PDGFRL: variants seen among roughly 807,000 people sequenced by gnomAD.
The protein encoded by PDGFRL is platelet derived growth factor receptor like, also known as platelet-derived growth factor receptor-like protein.
PDGFRL carries 46 observed loss-of-function variants against 37.2 expected under a neutral mutation model. That is an observed-to-expected ratio of 1.24 (90% confidence interval 0.98 to 1.58). The LOEUF (loss-of-function observed/expected upper bound fraction) is 1.58, where lower values mean the gene tolerates loss of function less well. Among genes scored for constraint, PDGFRL ranks in the 40% most tolerant of loss-of-function variants. PDGFRL has a pLI of 0.00. For missense variants in PDGFRL, 692 were observed against 467.6 expected (o/e 1.48, Z -4.43); for synonymous variants, 251 against 184.3 (o/e 1.36, Z -2.93).
At chr8:17,625,154 G>GT (rs1234651563) in intron 3 of PDGFRL, among the ~76,000 whole-genome samples, 13 of 94,116 alleles carry the variant, frequency 1.4e-4, no homozygotes, top group Admixed American at 7.0e-4. Flanking sequence ...GCATTTTTTT[G>GT]TTTTTTTGTC....
chr8:17,625,972 G>A (rs1445098721), intron 3 of PDGFRL, among the ~76,000 whole-genome samples: 1 of 152,206 alleles, frequency 6.6e-6, no homozygotes, highest in South Asian at 2.1e-4. Flanking sequence ...TCCAGCCTGG[G>A]CAACAGCGTG....
intron 4 of PDGFRL, among the ~76,000 whole-genome samples, chr8:17,629,641 T>A (rs990547186): frequency 6.6e-6 from 1 of 152,160 alleles, no homozygotes; most frequent in Non-Finnish European, 1.5e-5. Flanking sequence ...TTCATGGCCC[T>A]GCTTGTCACT....
chr8:17,581,176 G>A (rs934504261), intron 1 of PDGFRL, among the ~76,000 whole-genome samples: 1 of 152,154 alleles, frequency 6.6e-6, no homozygotes, highest in African/African-American at 2.4e-5. Context: ...GAGGCGGGGT[G>A]TGAGGATGCC....
chr8:17,582,507 G>A (rs1036177003), intron 1 of PDGFRL, among the ~76,000 whole-genome samples: 1 of 150,844 alleles, frequency 6.6e-6, no homozygotes, highest in Non-Finnish European at 1.5e-5. Context: ...GCTTGAACTC[G>A]GGAAGAGGAG....
intron 3 of PDGFRL, 46 bp from the exon 4 acceptor site, chr8:17,628,441 T>C (rs1804781335): frequency 6.6e-7 from 1 of 1,517,368 alleles, no homozygotes; most frequent in South Asian, 1.1e-5. Flanking sequence ...TGCTTTTACT[T>C]TGCGTCTCCG....
At chr8:17,606,815 G>A (rs569174741) in intron 2 of PDGFRL, among the ~76,000 whole-genome samples, 14 of 151,960 alleles carry the variant, frequency 9.2e-5, no homozygotes, top group African/African-American at 2.7e-4. Flanking sequence ...AAATATCGGT[G>A]AGCTATTTCT....
chr8:17,585,050 A>G (rs1803786774), intron 1 of PDGFRL, among the ~76,000 whole-genome samples: 1 of 152,172 alleles, frequency 6.6e-6, no homozygotes, highest in Non-Finnish European at 1.5e-5. Flanking sequence ...TAGACCATAT[A>G]GGATGACTTC....
chr8:17,621,934 A>C (rs979949703), intron 3 of PDGFRL, among the ~76,000 whole-genome samples: 1 of 151,986 alleles, frequency 6.6e-6, no homozygotes, highest in African/African-American at 2.4e-5. Flanking sequence ...CGGTCTCCCA[A>C]ATTGCTGTAG....
At chr8:17,614,348 G>T (rs1002778809) in intron 2 of PDGFRL, among the ~76,000 whole-genome samples, 2 of 152,076 alleles carry the variant, frequency 1.3e-5, no homozygotes, top group Non-Finnish European at 2.9e-5. Context: ...CCCAGGATCT[G>T]TACTCTGTTC....
intron 2 of PDGFRL, among the ~76,000 whole-genome samples, chr8:17,598,490 G>A (rs1026198509): frequency 6.6e-6 from 1 of 152,142 alleles, no homozygotes; most frequent in African/African-American, 2.4e-5. Flanking sequence ...TTCCACAGGG[G>A]TTTAGGCCGC....
At chr8:17,600,573 G>A (rs2517171) in intron 2 of PDGFRL, among the ~76,000 whole-genome samples, 3,082 of 152,010 alleles carry the variant, frequency 0.02, 74 homozygotes, top group African/African-American at 0.052. Context: ...GCCAAGATGG[G>A]AGGATCACTT....
intron 5 of PDGFRL, among the ~76,000 whole-genome samples, chr8:17,641,896 T>TCCCCTCCCCCCCCCCCCCCCCCCCC (rs144394170): frequency 9.6e-6 from 1 of 103,888 alleles, no homozygotes; most frequent in Non-Finnish European, 1.8e-5. Flanking sequence ...TCAATAGAGG[T>TCCCCTCCCCCCCCCCCCCCCCCCCC]CCCCGCCACA....
chr8:17,609,996 G>A (rs191797603), intron 2 of PDGFRL, among the ~76,000 whole-genome samples: 54 of 152,244 alleles, frequency 3.5e-4, no homozygotes, highest in Admixed American at 8.5e-4. Flanking sequence ...GGATTTCCCC[G>A]CAGTGAATTC....
intron 4 of PDGFRL, among the ~76,000 whole-genome samples, chr8:17,632,500 G>C (rs1221727163): frequency 6.6e-6 from 1 of 152,076 alleles, no homozygotes; most frequent in East Asian, 1.9e-4. Context: ...ACCATGCCCA[G>C]CTAATTTTGT....
At chr8:17,579,631 A>G (rs979332392) in intron 1 of PDGFRL, among the ~76,000 whole-genome samples, 1 of 151,538 alleles carries the variant, frequency 6.6e-6, no homozygotes, top group Non-Finnish European at 1.5e-5. Flanking sequence ...CAGTGGCACA[A>G]TCTTAGCTCA....
intron 2 of PDGFRL, among the ~76,000 whole-genome samples, chr8:17,610,303 G>C (rs976068587): frequency 1.3e-5 from 2 of 152,130 alleles, no homozygotes; most frequent in African/African-American, 4.8e-5. Flanking sequence ...GATTAGAATT[G>C]CCAGATTTAT....
intron 2 of PDGFRL, among the ~76,000 whole-genome samples, chr8:17,604,544 A>C: frequency 6.6e-6 from 1 of 152,056 alleles, no homozygotes; most frequent in African/African-American, 2.4e-5. Flanking sequence ...ACGAGAATGC[A>C]TGGACACAGG....
At chr8:17,583,645 G>A (rs1369585889) in intron 1 of PDGFRL, among the ~76,000 whole-genome samples, 1 of 152,116 alleles carries the variant, frequency 6.6e-6, no homozygotes, top group Non-Finnish European at 1.5e-5. Context: ...GTTGGTGGTG[G>A]GGCCTAATGG....
At chr8:17,594,300 G>A (rs761455365) in intron 2 of PDGFRL, among the ~76,000 whole-genome samples, 1 of 151,894 alleles carries the variant, frequency 6.6e-6, no homozygotes, top group Admixed American at 6.6e-5. Flanking sequence ...GAGTGCAGTG[G>A]GGGGATCTCG....
Sources: gnomAD v4.1 joint callset for allele counts (sites outside exome capture counted in the v4.1 genomes callset) on GRCh38, gnomAD v4.1.1 for gene constraint, MANE v1.5 for transcripts, NCBI Gene and HGNC (gene_info 2026-07-23, HGNC 2026-07-21) for gene names.